Variants in H2BC11 observed in about 807,000 individuals in gnomAD.
H2BC11 encodes the protein H2B clustered histone 11.
Under a neutral mutation model 6.0 loss-of-function variants are expected in H2BC11, and 7 were observed. The observed-to-expected ratio is 1.16, with a 90% CI of 0.66 to 2.19. The LOEUF (loss-of-function observed/expected upper bound fraction) is 2.19, where lower values mean the gene tolerates loss of function less well. H2BC11 is among the 30% of genes most tolerant of loss of function. The probability of loss-of-function intolerance (pLI) is 0.00; values close to 1 mark genes in which losing one functional copy is unlikely to be tolerated. For synonymous variants in H2BC11, 127 were observed against 72.0 expected, an observed-to-expected ratio of 1.77 and a Z score of -3.87; for missense variants, 215 against 170.3, an observed-to-expected ratio of 1.26 and a Z score of -1.46.
chr6:27,132,639 A>G lies in H2BC11; in HGVS notation c.112T>C (p.Tyr38His). 1.9e-6 allele frequency: 3 copies of G among 1,614,210 alleles called. No homozygotes were observed. Among genetic ancestry groups the G allele is most frequent in the Non-Finnish European group, 2.5e-6 (3 of 1,180,036 alleles). ...AGAACCTTGTACACATAGATGGAATAGCTCTCCTTGCGGCTGCGCTTGCGC... is the reference window on the plus strand; with the variant it reads ...AGAACCTTGTACACATAGATGGAATGGCTCTCCTTGCGGCTGCGCTTGCGC... ...KKRKRSRKES[Y>H]SIYVYKVLKQ... is the part of the protein sequence containing the mutation. Residue 38 changes from tyrosine to histidine, a missense_variant, in exon 1 of 1, where the codon TAT (tyrosine) becomes CAT (histidine). Tyr to His is a moderately conservative substitution (Grantham distance 83). Transcript: ENST00000339812.
chr6:27,132,622 G>A lies in H2BC11; in HGVS notation c.129C>T (p.Tyr43=). ...SRKESYSIYV[Y]KVLKQVHPDT... ...CAGGGTGGACCTGCTTCAGAACCTT[G>A]TACACATAGATGGAATAGCTCTCCT... is the stretch of plus-strand genomic sequence containing the variant. Residue 43 remains tyrosine (Y), a synonymous_variant, in exon 1 of 1, where the codon TAC becomes TAT. Transcript: ENST00000339812. The A allele has an allele frequency of 6.2e-7, 1 of 1,614,210 alleles. No homozygotes were observed. Among genetic ancestry groups the A allele is most frequent in the Non-Finnish European group, 8.5e-7 (1 of 1,180,048 alleles).
chr6:27,132,572 AT>A lies in H2BC11; in HGVS notation c.178del (p.Met60TrpfsTer4). Reference protein sequence around the residue: ...HPDTGISSKAMGIMNSFVNDI... With the variant: ...HPDTGISSKAXGIMNSFVNDI... ...GTTCACAAACGAATTCATGATGCCCATGGCCTTGGACGAAATGCCGGTGTCA... is the reference window on the plus strand; with the variant it reads ...GTTCACAAACGAATTCATGATGCCCAGGCCTTGGACGAAATGCCGGTGTCA... On this transcript the variant is annotated frameshift_variant, in exon 1 of 1. Transcript: ENST00000339812. LOFTEE classifies it high-confidence loss of function. 3.7e-6 allele frequency: 6 copies of A among 1,614,234 alleles called. No individual in the cohort carries two copies. The highest frequency in any genetic ancestry group is 5.1e-6 in the Non-Finnish European group (6 of 1,180,040).
chr6:27,132,665 T>C lies in H2BC11; in HGVS notation c.86A>G (p.Lys29Arg). 2 of 1,614,250 alleles carry C rather than the reference T, an allele frequency of 1.2e-6. No homozygotes were observed. Among genetic ancestry groups the C allele is most frequent in the Non-Finnish European group, 1.7e-6 (2 of 1,180,050 alleles). The change falls in exon 1 of 1, where the codon AAG (lysine) becomes AGG (arginine). Residue 29 changes from lysine to arginine, a missense_variant. Physicochemically the swap from Lys to Arg is conservative, Grantham distance 26. Coordinates refer to ENST00000339812, the MANE Select transcript of H2BC11 (RefSeq NM_021058.4). ...VTKAQKKDGKKRKRSRKESYS... is the reference protein window; with the variant it reads ...VTKAQKKDGKRRKRSRKESYS... ...GCTCTCCTTGCGGCTGCGCTTGCGC[T>C]TCTTGCCGTCTTTCTTCTGCGCCTT... is the stretch of plus-strand genomic sequence containing the variant.
rs1359338405 is a variant in H2BC11 at position 27,132,494 on chromosome 6, T to C, written c.257A>G (p.Lys86Arg). The change falls in exon 1 of 1, where the codon AAG (lysine) becomes AGG (arginine). Residue 86 changes from lysine to arginine, a missense_variant. By Grantham distance (26) the Lys-to-Arg change is conservative. Coordinates refer to ENST00000339812, the MANE Select transcript of H2BC11 (RefSeq NM_021058.4). The stretch of plus-strand genomic sequence containing the variant: ...CTCCCTGGAGGTGATGGTCGAGCGC[T>C]TGTTGTAATGCGCCAGGCGGGAAGC... ...GEASRLAHYNKRSTITSREIQ... is the reference protein window; with the variant it reads ...GEASRLAHYNRRSTITSREIQ... 3 of 1,614,108 alleles carry C rather than the reference T, an allele frequency of 1.9e-6. No homozygotes were observed. The highest frequency in any genetic ancestry group is 2.7e-5 in the African/African-American group (2 of 74,932).
Position 27,132,342 on chromosome 6 carries a change from G to C in H2BC11, c.*28C>G. 1 of 1,613,748 alleles carries C rather than the reference G, an allele frequency of 6.2e-7. No individual in the cohort carries two copies. Among genetic ancestry groups the C allele is most frequent in the Non-Finnish European group, 8.5e-7 (1 of 1,179,758 alleles). Reference sequence around the variant, plus strand: ...GGGTGGCTCTTAAAAGAGCCGTTAGGGTTGAGAGTTTGCAACCAACTCACT... The same window carrying C: ...GGGTGGCTCTTAAAAGAGCCGTTAGCGTTGAGAGTTTGCAACCAACTCACT... On this transcript the variant is annotated 3_prime_UTR_variant, in exon 1 of 1. Transcript: ENST00000339812.
chr6:27,132,642 T>G lies in H2BC11; in HGVS notation c.109A>C (p.Ser37Arg), dbSNP rs1373001540. 1.9e-6 allele frequency: 3 copies of G among 1,614,056 alleles called. No individual in the cohort carries two copies. In the African/African-American group the frequency reaches 4.0e-5, roughly 22 times the overall value. ...ACCTTGTACACATAGATGGAATAGC[T>G]CTCCTTGCGGCTGCGCTTGCGCTTC... is the stretch of plus-strand genomic sequence containing the variant. Reference protein sequence around the residue: ...GKKRKRSRKESYSIYVYKVLK... With the variant: ...GKKRKRSRKERYSIYVYKVLK... The change falls in exon 1 of 1, where the codon AGC (serine) becomes CGC (arginine). Residue 37 changes from serine to arginine, a missense_variant. Physicochemically the swap from Ser to Arg is moderately radical, Grantham distance 110. Coordinates refer to ENST00000339812, the MANE Select transcript of H2BC11 (RefSeq NM_021058.4).
At position 27,132,627 on chromosome 6, in the gene H2BC11, CAT is replaced by C; in HGVS notation, c.122_123del (p.Tyr41CysfsTer11). The C allele has an allele frequency of 6.2e-7, 1 of 1,614,228 alleles. No individual in the cohort carries two copies. On this transcript the variant is annotated frameshift_variant, in exon 1 of 1. Coordinates refer to ENST00000339812, the MANE Select transcript of H2BC11 (RefSeq NM_021058.4). LOFTEE classifies it high-confidence loss of function. ...TGGACCTGCTTCAGAACCTTGTACACATAGATGGAATAGCTCTCCTTGCGGCT... is the reference window on the plus strand; with the variant it reads ...TGGACCTGCTTCAGAACCTTGTACACAGATGGAATAGCTCTCCTTGCGGCT... ...KRSRKESYSI[Y>X]VYKVLKQVHP...
At position 27,132,419 on chromosome 6, in the gene H2BC11, G is replaced by A; in HGVS notation, c.332C>T (p.Ala111Val). The A allele has an allele frequency of 6.2e-7, 1 of 1,614,220 alleles. No homozygotes were observed. The highest frequency in any genetic ancestry group is 8.5e-7 in the Non-Finnish European group (1 of 1,180,040). Residue 111 changes from alanine (A) to valine (V), a missense_variant, in exon 1 of 1, where the codon GCC becomes GTC. Ala to Val is a moderately conservative substitution (Grantham distance 64). Coordinates refer to ENST00000339812, the MANE Select transcript of H2BC11 (RefSeq NM_021058.4). ...LLLPGELAKH[A>V]VSEGTKAVTK... ...GACGGCCTTAGTACCCTCGGACACG[G>A]CGTGCTTGGCCAACTCCCCAGGCAG...
chr6:27,132,752 G>C lies in H2BC11; in HGVS notation c.-2C>G, dbSNP rs200742374. On this transcript the variant is annotated 5_prime_UTR_variant, in exon 1 of 1. Coordinates refer to ENST00000339812, the MANE Select transcript of H2BC11 (RefSeq NM_021058.4). ...AGCAGACTTCGCTGGCTCTGGCATA[G>C]CACTGTGTAGCTATAAAGCGCCAAC... The C allele has an allele frequency of 6.2e-7, 1 of 1,612,368 alleles. No individual in the cohort carries two copies.
In H2BC11 at chr6:27,132,756, T is replaced by C. The variant is rs766609627; in HGVS notation, c.-6A>G. 6.4e-5 allele frequency: 103 copies of C among 1,609,544 alleles called. No homozygotes were observed. Among genetic ancestry groups the C allele is most frequent in the Non-Finnish European group, 7.6e-5 (90 of 1,178,818 alleles). Reference sequence around the variant, plus strand: ...GACTTCGCTGGCTCTGGCATAGCACTGTGTAGCTATAAAGCGCCAACGAAA... The same window carrying C: ...GACTTCGCTGGCTCTGGCATAGCACCGTGTAGCTATAAAGCGCCAACGAAA... On this transcript the variant is annotated 5_prime_UTR_variant, in exon 1 of 1. Coordinates refer to ENST00000339812, the MANE Select transcript of H2BC11 (RefSeq NM_021058.4).
rs199559364 is a variant in H2BC11, at chr6:27,132,672, C to T, written c.79G>A (p.Gly27Ser). ...TTGCGGCTGCGCTTGCGCTTCTTGCCGTCTTTCTTCTGCGCCTTAGTCACC... is the reference window on the plus strand; with the variant it reads ...TTGCGGCTGCGCTTGCGCTTCTTGCTGTCTTTCTTCTGCGCCTTAGTCACC... ...KAVTKAQKKD[G>S]KKRKRSRKES... Residue 27 changes from glycine (G) to serine (S), a missense_variant, in exon 1 of 1, where the codon GGC becomes AGC. Coordinates refer to ENST00000339812, the MANE Select transcript of H2BC11 (RefSeq NM_021058.4). The T allele has an allele frequency of 7.4e-5, 120 of 1,614,208 alleles. No individual in the cohort carries two copies. Among genetic ancestry groups the T allele is most frequent in the Non-Finnish European group, 5.6e-5 (66 of 1,180,046 alleles).
In H2BC11 at chr6:27,132,572, A is replaced by G; in HGVS notation, c.179T>C (p.Met60Thr). ...HPDTGISSKA[M>T]GIMNSFVNDI... is the part of the protein sequence containing the mutation. Reference sequence around the variant, plus strand: ...GTTCACAAACGAATTCATGATGCCCATGGCCTTGGACGAAATGCCGGTGTC... The same window carrying G: ...GTTCACAAACGAATTCATGATGCCCGTGGCCTTGGACGAAATGCCGGTGTC... Residue 60 changes from methionine (M) to threonine (T), a missense_variant, in exon 1 of 1, where the codon ATG becomes ACG. Coordinates refer to ENST00000339812, the MANE Select transcript of H2BC11 (RefSeq NM_021058.4). 6.2e-7 allele frequency: 1 copy of G among 1,614,234 alleles called. No individual in the cohort carries two copies. Among genetic ancestry groups the G allele is most frequent in the Non-Finnish European group, 8.5e-7 (1 of 1,180,040 alleles).
chr6:27,132,668 T>C lies in H2BC11; in HGVS notation c.83A>G (p.Lys28Arg), dbSNP rs1562022704. 1.2e-6 allele frequency: 2 copies of C among 1,614,150 alleles called. No homozygotes were observed. Among genetic ancestry groups the C allele is most frequent in the Non-Finnish European group, 1.7e-6 (2 of 1,180,052 alleles). The change falls in exon 1 of 1, where the codon AAG becomes AGG. Residue 28 changes from lysine to arginine, a missense_variant. Lys to Arg is a conservative substitution (Grantham distance 26). Transcript: ENST00000339812. The part of the protein sequence containing the change: ...AVTKAQKKDG[K>R]KRKRSRKESY... ...CTCCTTGCGGCTGCGCTTGCGCTTC[T>C]TGCCGTCTTTCTTCTGCGCCTTAGT...
chr6:27,132,753 C>A lies in H2BC11; in HGVS notation c.-3G>T, dbSNP rs772032875. ...GCAGACTTCGCTGGCTCTGGCATAG[C>A]ACTGTGTAGCTATAAAGCGCCAACG... On this transcript the variant is annotated 5_prime_UTR_variant, in exon 1 of 1. Transcript: ENST00000339812. The A allele has an allele frequency of 1.5e-5, 24 of 1,612,308 alleles. No homozygotes were observed. In the East Asian group the frequency reaches 5.1e-4, roughly 34 times the overall value.
In H2BC11 at chr6:27,132,439, A is replaced by G. The variant is rs145874703; in HGVS notation, c.312T>C (p.Pro104=). 1.4e-4 allele frequency: 224 copies of G among 1,614,166 alleles called. 1 individual carries two copies. The highest frequency in any genetic ancestry group is 5.6e-4 in the South Asian group (51 of 91,082). ...EIQTAVRLLL[P]GELAKHAVSE... is the part of the protein sequence containing the mutation. ...ACACGGCGTGCTTGGCCAACTCCCCAGGCAGCAGCAGGCGCACGGCCGTCT... is the reference window on the plus strand; with the variant it reads ...ACACGGCGTGCTTGGCCAACTCCCCGGGCAGCAGCAGGCGCACGGCCGTCT... Residue 104 remains proline, a synonymous_variant, in exon 1 of 1, where the codon CCT becomes CCC. Transcript: ENST00000339812.
rs555662918 is a variant in H2BC11, at chr6:27,132,777, C to G, written c.-27G>C. The G allele has an allele frequency of 1.3e-6, 2 of 1,592,028 alleles. No individual in the cohort carries two copies. The highest frequency in any genetic ancestry group is 2.7e-5 in the African/African-American group (2 of 73,242). ...GCACTGTGTAGCTATAAAGCGCCAA[C>G]GAAAAGGAAAAACAGCGTGAGCAGG... On this transcript the variant is annotated 5_prime_UTR_variant, in exon 1 of 1. Transcript: ENST00000339812.
chr6:27,132,623 T>C lies in H2BC11; in HGVS notation c.128A>G (p.Tyr43Cys). 2 of 1,614,248 alleles carry C rather than the reference T, an allele frequency of 1.2e-6. No individual in the cohort carries two copies. Among genetic ancestry groups the C allele is most frequent in the Non-Finnish European group, 1.7e-6 (2 of 1,180,044 alleles). The change falls in exon 1 of 1, where the codon TAC becomes TGC. Residue 43 changes from tyrosine (Y) to cysteine (C), a missense_variant. Coordinates refer to ENST00000339812, the MANE Select transcript of H2BC11 (RefSeq NM_021058.4). ...AGGGTGGACCTGCTTCAGAACCTTG[T>C]ACACATAGATGGAATAGCTCTCCTT... ...SRKESYSIYVYKVLKQVHPDT... is the reference protein window; with the variant it reads ...SRKESYSIYVCKVLKQVHPDT...
Position 27,132,719 on chromosome 6 carries a change from G to C in H2BC11, c.32C>G (p.Pro11Arg), listed in dbSNP as rs373616171. The change falls in exon 1 of 1, where the codon CCG (proline) becomes CGG (arginine). Residue 11 changes from proline to arginine, a missense_variant. Coordinates refer to ENST00000339812, the MANE Select transcript of H2BC11 (RefSeq NM_021058.4). The part of the protein sequence containing the change: MPEPAKSAPA[P>R]KKGSKKAVTK... ...CACCGCCTTCTTGGAGCCCTTTTTC[G>C]GGGCGGGAGCAGACTTCGCTGGCTC... 1 of 1,614,040 alleles carries C rather than the reference G, an allele frequency of 6.2e-7. No homozygotes were observed. The highest frequency in any genetic ancestry group is 1.3e-5 in the African/African-American group (1 of 74,998).
At position 27,132,534 on chromosome 6, in the gene H2BC11, G is replaced by A. The variant is rs1294877289; in HGVS notation, c.217C>T (p.Arg73Cys). The change falls in exon 1 of 1, where the codon CGC becomes TGC. Residue 73 changes from arginine (R) to cysteine (C), a missense_variant. Coordinates refer to ENST00000339812, the MANE Select transcript of H2BC11 (RefSeq NM_021058.4). ...AGGCGGGAAGCCTCACCTGCGATGCGCTCGAAAATGTCGTTCACAAACGAA... is the reference window on the plus strand; with the variant it reads ...AGGCGGGAAGCCTCACCTGCGATGCACTCGAAAATGTCGTTCACAAACGAA... ...MNSFVNDIFE[R>C]IAGEASRLAH... The A allele has an allele frequency of 1.9e-6, 3 of 1,614,244 alleles. No individual in the cohort carries two copies. The highest frequency in any genetic ancestry group is 2.2e-5 in the East Asian group (1 of 44,882).
Sources: gnomAD v4.1 joint callset for allele counts on GRCh38, gnomAD v4.1.1 for gene constraint, MANE v1.5 for transcripts, NCBI Gene and HGNC (gene_info 2026-07-23, HGNC 2026-07-21) for gene names.